The following OR5T1 variants were observed in gnomAD, a reference collection of about 807,000 sequenced individuals.
OR5T1 encodes olfactory receptor family 5 subfamily T member 1, also known as olfactory receptor 5T1.
In OR5T1, 14 loss-of-function variants were observed where a neutral mutation model predicts 10.1. The observed-to-expected ratio is 1.39, with a 90% CI of 0.92 to 2.18. OR5T1 has a LOEUF of 2.18. Ranked by LOEUF, OR5T1 falls within the 30% of genes most tolerant of loss-of-function variation. The pLI is 0.00. For synonymous variants in OR5T1, 166 were observed against 141.2 expected (o/e 1.18, Z -1.24); for missense variants, 461 against 383.9 (o/e 1.20, Z -1.68).
At position 56,275,707 on chromosome 11, in the gene OR5T1, G is replaced by A. The variant is rs1258560409; in HGVS notation, c.69G>A (p.Met23Ile). ...TAAACAATTTTACTGAAGTCACCAT[G>A]TTTATATTAATAAGCTTCACAGAAG... The part of the protein sequence containing the change: ...LQLNNFTEVT[M>I]FILISFTEEF... Residue 23 changes from methionine to isoleucine, a missense_variant, in exon 3 of 3, where the codon ATG (methionine) becomes ATA (isoleucine). Transcript: ENST00000641665. 1 of 1,608,696 alleles carries A rather than the reference G, an allele frequency of 6.2e-7. No individual in the cohort carries two copies. The highest frequency in any genetic ancestry group is 1.1e-5 in the South Asian group (1 of 90,684).
intron 1 of OR5T1, among the ~76,000 whole-genome samples, 160 bp from the exon 2 acceptor site, chr11:56,274,476 T>C (rs893941570): frequency 1.3e-5 from 2 of 152,154 alleles, no homozygotes; most frequent in Non-Finnish European, 1.5e-5. Context: ...TTGATATAAA[T>C]ATGTCACAAA....
At chr11:56,275,363 T>G in intron 2 of OR5T1, 123 bp from the exon 3 acceptor site, 4 of 270,304 alleles carry the variant, frequency 1.5e-5, no homozygotes, top group Non-Finnish European at 2.0e-5. Flanking sequence ...GAACATGCGG[T>G]GTTTGGTTTT....
In OR5T1 at chr11:56,276,330, G is replaced by T; in HGVS notation, c.692G>T (p.Gly231Val). ...VTILIVLISY[G>V]FILLAILKMQ... ...ATCCTGATTGTCCTGATCTCCTATG[G>T]TTTTATTCTGTTGGCCATTCTGAAG... Residue 231 changes from glycine (G) to valine (V), a missense_variant, in exon 3 of 3, where the codon GGT (glycine) becomes GTT (valine). Gly to Val is a moderately radical substitution (Grantham distance 109). Coordinates refer to ENST00000641665, the MANE Select transcript of OR5T1 (RefSeq NM_001004745.2). 1 of 1,614,062 alleles carries T rather than the reference G, an allele frequency of 6.2e-7. No individual in the cohort carries two copies. Among genetic ancestry groups the T allele is most frequent in the Non-Finnish European group, 8.5e-7 (1 of 1,180,004 alleles).
At position 56,276,682 on chromosome 11, in the gene OR5T1, A is replaced by G. The variant is rs1853955312; in HGVS notation, c.*63A>G. 1 of 1,184,464 alleles carries G rather than the reference A, an allele frequency of 8.4e-7. No individual in the cohort carries two copies. Among genetic ancestry groups the G allele is most frequent in the Non-Finnish European group, 1.2e-6 (1 of 832,938 alleles). The allele number at this position is 1,184,464 out of a possible 1,614,324, so 73.4% of individuals were successfully genotyped here. A position where few individuals can be genotyped will look rare whatever the true frequency, so the allele number is the denominator to read the frequency against. ...TCAGTCCACATCTCTATGGTCAGAA[A>G]GTAGAGAAGAAAATGTGTTTCTTTT... On this transcript the variant is annotated 3_prime_UTR_variant, in exon 3 of 3. Coordinates refer to ENST00000641665, the MANE Select transcript of OR5T1 (RefSeq NM_001004745.2).
chr11:56,276,680 A>ACC lies in OR5T1; in HGVS notation c.*61_*62insCC. 1.7e-6 allele frequency: 2 copies of ACC among 1,201,978 alleles called. No homozygotes were observed. Among genetic ancestry groups the ACC allele is most frequent in the Non-Finnish European group, 2.4e-6 (2 of 847,218 alleles). The allele number at this position is 1,201,978 out of a possible 1,614,324, so 74.5% of individuals were successfully genotyped here. The stretch of plus-strand genomic sequence containing the variant: ...TGTCAGTCCACATCTCTATGGTCAG[A>ACC]AAGTAGAGAAGAAAATGTGTTTCTT... On this transcript the variant is annotated 3_prime_UTR_variant, in exon 3 of 3. Coordinates refer to ENST00000641665, the MANE Select transcript of OR5T1 (RefSeq NM_001004745.2).
In OR5T1 at chr11:56,276,615, T is replaced by C. The variant is rs765368472; in HGVS notation, c.977T>C (p.Leu326Ser). 1.2e-6 allele frequency: 2 copies of C among 1,602,190 alleles called. No individual in the cohort carries two copies. The highest frequency in any genetic ancestry group is 1.7e-6 in the Non-Finnish European group (2 of 1,173,242). Residue 326 changes from leucine to serine, a missense_variant, in exon 3 of 3, where the codon TTA (leucine) becomes TCA (serine). By Grantham distance (145) the Leu-to-Ser change is moderately radical (BLOSUM62 -2). Coordinates refer to ENST00000641665, the MANE Select transcript of OR5T1 (RefSeq NM_001004745.2). ...GTGAGAAATTGGTTCATAAATAAGT[T>C]ATAGTTTTAAAATTGAGTAAAGTTG... is the stretch of plus-strand genomic sequence containing the variant. ...LLVRNWFINK[L>S] is the part of the protein sequence containing the mutation.
rs768949885 is a variant in OR5T1 at position 56,276,303 on chromosome 11, C to T, written c.665C>T (p.Thr222Ile). The part of the protein sequence containing the change: ...FYFVGSIEIV[T>I]ILIVLISYGF... ...TTTGTGGGCTCTATTGAGATAGTCA[C>T]TATCCTGATTGTCCTGATCTCCTAT... Residue 222 changes from threonine (T) to isoleucine (I), a missense_variant, in exon 3 of 3, where the codon ACT becomes ATT. Physicochemically the swap from Thr to Ile is moderately conservative, Grantham distance 89. Coordinates refer to ENST00000641665, the MANE Select transcript of OR5T1 (RefSeq NM_001004745.2). 11 of 1,614,086 alleles carry T rather than the reference C, an allele frequency of 6.8e-6. No homozygotes were observed. Among genetic ancestry groups the T allele is most frequent in the Non-Finnish European group, 9.3e-6 (11 of 1,179,984 alleles).
At chr11:56,275,123 C>A (rs1017051547) in intron 2 of OR5T1, among the ~76,000 whole-genome samples, 1 of 152,112 alleles carries the variant, frequency 6.6e-6, no homozygotes, top group Non-Finnish European at 1.5e-5. Context: ...ATTAAATAGA[C>A]TTTTTTTACA....
chr11:56,275,245 G>C (rs113259266), intron 2 of OR5T1, among the ~76,000 whole-genome samples: 1 of 152,036 alleles, frequency 6.6e-6, no homozygotes, highest in Non-Finnish European at 1.5e-5. Flanking sequence ...GGTATTTCTC[G>C]TAACGTTATC....
At chr11:56,274,844 T>C (rs1853916010) in intron 2 of OR5T1, 91 bp downstream of exon 2, 1 of 152,094 alleles carries the variant, frequency 6.6e-6, no homozygotes, top group Non-Finnish European at 1.5e-5. Context: ...AATGATAAAT[T>C]TTAATATAAG....
Position 56,276,068 on chromosome 11 carries a change from T to A in OR5T1, c.430T>A (p.Tyr144Asn). 4.3e-6 allele frequency: 7 copies of A among 1,614,236 alleles called. No homozygotes were observed. The highest frequency in any genetic ancestry group is 5.9e-6 in the Non-Finnish European group (7 of 1,180,042). Reference protein sequence around the residue: ...RYVAIYNPLLYSVSMSPRVYV... With the variant: ...RYVAIYNPLLNSVSMSPRVYV... ...TGTAGCCATCTACAACCCTCTCCTG[T>A]ATTCAGTGAGCATGTCACCCAGAGT... The change falls in exon 3 of 3, where the codon TAT (tyrosine) becomes AAT (asparagine). Residue 144 changes from tyrosine (Y) to asparagine (N), a missense_variant. Transcript: ENST00000641665.
rs150918659 is a variant in OR5T1 at position 56,275,918 on chromosome 11, T to G, written c.280T>G (p.Leu94Val). 1.1e-3 allele frequency: 1,716 copies of G among 1,614,180 alleles called. 27 individuals are homozygous for G. The African/African-American group carries it at 0.021, about 19-fold the overall frequency. Residue 94 changes from leucine (L) to valine (V), a missense_variant, in exon 3 of 3, where the codon TTG (leucine) becomes GTG (valine). Transcript: ENST00000641665. ...CYSTVVTPKM[L>V]VNFLAKNKSI... is the part of the protein sequence containing the mutation. The stretch of plus-strand genomic sequence containing the variant: ...TTCTACAGTTGTCACTCCAAAAATG[T>G]TGGTCAATTTCCTGGCAAAAAATAA...
rs760373000 is a variant in OR5T1 at position 56,275,991 on chromosome 11, C to A, written c.353C>A (p.Thr118Asn). The change falls in exon 3 of 3, where the codon ACT becomes AAT. Residue 118 changes from threonine to asparagine, a missense_variant. Coordinates refer to ENST00000641665, the MANE Select transcript of OR5T1 (RefSeq NM_001004745.2). ...GCAACACAGATGTTTCTTGCTTGTA[C>A]TTTTGGAACCACAGAATGCTTTCTC... Reference protein sequence around the residue: ...GCATQMFLACTFGTTECFLLA... With the variant: ...GCATQMFLACNFGTTECFLLA... 6.8e-6 allele frequency: 11 copies of A among 1,614,190 alleles called. No homozygotes were observed. The highest frequency in any genetic ancestry group is 9.3e-6 in the Non-Finnish European group (11 of 1,180,040).
Position 56,275,799 on chromosome 11 carries a change from A to G in OR5T1, c.161A>G (p.Asn54Ser). ...LAIYLFTLIG[N>S]LGLVVPIIGD... The stretch of plus-strand genomic sequence containing the variant: ...ATCTATCTATTCACTCTAATAGGCA[A>G]TTTAGGGCTGGTTGTACCGATCATT... The change falls in exon 3 of 3, where the codon AAT becomes AGT. Residue 54 changes from asparagine (N) to serine (S), a missense_variant. Coordinates refer to ENST00000641665, the MANE Select transcript of OR5T1 (RefSeq NM_001004745.2). 1 of 1,613,510 alleles carries G rather than the reference A, an allele frequency of 6.2e-7. No individual in the cohort carries two copies. Among genetic ancestry groups the G allele is most frequent in the Non-Finnish European group, 8.5e-7 (1 of 1,179,424 alleles).
Position 56,276,154 on chromosome 11 carries a change from A to G in OR5T1, c.516A>G (p.Thr172=), listed in dbSNP as rs1565096355. 1 of 1,614,182 alleles carries G rather than the reference A, an allele frequency of 6.2e-7. No individual in the cohort carries two copies. The highest frequency in any genetic ancestry group is 1.1e-5 in the South Asian group (1 of 91,084). Reference sequence around the variant, plus strand: ...GCATTTTACATGCTACTATACATACAGTGGCTACATTTAGCCTGTCCTTCT... The same window carrying G: ...GCATTTTACATGCTACTATACATACGGTGGCTACATTTAGCCTGTCCTTCT... ...VASILHATIH[T]VATFSLSFCG... is the part of the protein sequence containing the mutation. Residue 172 remains threonine, a synonymous_variant, in exon 3 of 3, where the codon ACA becomes ACG. Transcript: ENST00000641665.
At position 56,274,683 on chromosome 11, in the gene OR5T1, C is replaced by A. The variant is rs935089415; in HGVS notation, c.-224C>A. ...GGAAAAATAAATGAAAAATGAACAC[C>A]AAATTCTTTTGGTTTGCAAACAAGG... is the stretch of plus-strand genomic sequence containing the variant. On this transcript the variant is annotated 5_prime_UTR_variant, in exon 2 of 3. Transcript: ENST00000641665. 18 of 150,784 alleles carry A rather than the reference C, an allele frequency of 1.2e-4. No individual in the cohort carries two copies. The highest frequency in any genetic ancestry group is 4.6e-4 in the Admixed American group (7 of 15,134). 9.3% of individuals were successfully genotyped at this position (150,784 alleles called of 1,614,324 possible). A position where few individuals can be genotyped will look rare whatever the true frequency, so the allele number is the denominator to read the frequency against.
Position 56,276,254 on chromosome 11 carries a change from G to T in OR5T1, c.616G>T (p.Val206Leu). 1 of 1,614,016 alleles carries T rather than the reference G, an allele frequency of 6.2e-7. No individual in the cohort carries two copies. The highest frequency in any genetic ancestry group is 8.5e-7 in the Non-Finnish European group (1 of 1,180,000). ...TGCTATTTCTTGTTCTGACACTCAC[G>T]TAATCCAGCTTCTATTCTTCTACTT... ...LLAISCSDTHVIQLLFFYFVG... is the reference protein window; with the variant it reads ...LLAISCSDTHLIQLLFFYFVG... Residue 206 changes from valine (V) to leucine (L), a missense_variant, in exon 3 of 3, where the codon GTA (valine) becomes TTA (leucine). Val to Leu is a conservative substitution (Grantham distance 32). Coordinates refer to ENST00000641665, the MANE Select transcript of OR5T1 (RefSeq NM_001004745.2).
In OR5T1 at chr11:56,275,847, C is replaced by T; in HGVS notation, c.209C>T (p.Pro70Leu). Residue 70 changes from proline to leucine, a missense_variant, in exon 3 of 3, where the codon CCA (proline) becomes CTA (leucine). Coordinates refer to ENST00000641665, the MANE Select transcript of OR5T1 (RefSeq NM_001004745.2). ...ATTGGGGATTTCTGGCTTCACAGCCCAATGTACTATTTTCTTGGTGTTTTA... is the reference window on the plus strand; with the variant it reads ...ATTGGGGATTTCTGGCTTCACAGCCTAATGTACTATTTTCTTGGTGTTTTA... The part of the protein sequence containing the change: ...PIIGDFWLHS[P>L]MYYFLGVLSF... The T allele has an allele frequency of 6.2e-7, 1 of 1,614,034 alleles. No homozygotes were observed. The highest frequency in any genetic ancestry group is 8.5e-7 in the Non-Finnish European group (1 of 1,179,940).
Position 56,276,356 on chromosome 11 carries a change from A to G in OR5T1, c.718A>G (p.Met240Val). 1.9e-6 allele frequency: 3 copies of G among 1,614,132 alleles called. No individual in the cohort carries two copies. The highest frequency in any genetic ancestry group is 2.5e-6 in the Non-Finnish European group (3 of 1,180,036). ...YGFILLAILK[M>V]QSAEGRRKVF... is the part of the protein sequence containing the mutation. ...TTTTATTCTGTTGGCCATTCTGAAG[A>G]TGCAGTCTGCTGAAGGGAGGAGAAA... The change falls in exon 3 of 3, where the codon ATG becomes GTG. Residue 240 changes from methionine (M) to valine (V), a missense_variant. By Grantham distance (21) the Met-to-Val change is conservative. Coordinates refer to ENST00000641665, the MANE Select transcript of OR5T1 (RefSeq NM_001004745.2).
Sources: allele counts gnomAD v4.1 joint callset (sites outside exome capture counted in the v4.1 genomes callset), GRCh38; gene constraint gnomAD v4.1.1; transcripts MANE v1.5; gene names NCBI Gene and HGNC (gene_info 2026-07-23, HGNC 2026-07-21).